Variants in LPP observed in about 807,000 individuals in gnomAD.
The protein encoded by LPP is LIM domain containing preferred translocation partner in lipoma.
Under a neutral mutation model 60.4 loss-of-function variants are expected in LPP, and 38 were observed. The observed-to-expected ratio is 0.63, with a 90% confidence interval of 0.49 to 0.83. The LOEUF is 0.83. Ranked by LOEUF, LPP falls within the 40% of genes least tolerant of loss-of-function variation. The pLI is 0.00. For missense variants in LPP, 902 were observed against 783.6 expected (o/e 1.15, Z -1.80); for synonymous variants, 328 against 290.8 (o/e 1.13, Z -1.30).
rs1165691710 is a variant in LPP, at chr3:188,733,480, C to G, written c.1240+25087C>G. 2.0e-5 allele frequency among the ~76,000 whole-genome samples: 3 copies of G among 152,168 alleles called. No individual in the cohort carries two copies. In the South Asian group the frequency reaches 6.2e-4, roughly 31 times the overall value. On this transcript the variant is annotated intron_variant, in intron 8 of 11. Transcript: ENST00000617246. The stretch of plus-strand genomic sequence containing the variant: ...ATCAATTTTGAAAAATTAAGCCCCC[C>G]TTCTCTAACATGGTACTCTCTCTCT...
At chr3:188,738,718 C>T (rs1433674225) in intron 8 of LPP, among the ~76,000 whole-genome samples, 5 of 152,044 alleles carry the variant, frequency 3.3e-5, no homozygotes, top group Non-Finnish European at 7.4e-5. Flanking sequence ...TTAATTGGAT[C>T]CCTGGTGCTA....
At chr3:188,518,324 T>A (rs1817967599) in intron 5 of LPP, among the ~76,000 whole-genome samples, 1 of 152,192 alleles carries the variant, frequency 6.6e-6, no homozygotes, top group Non-Finnish European at 1.5e-5. Flanking sequence ...AAATTCCTGT[T>A]GTATTATTAA....
chr3:188,668,601 G>T lies in LPP; in HGVS notation c.1114-39666G>T, dbSNP rs377034936. Reference sequence around the variant, plus strand: ...ATAGGTATTTGAGCAGAAGAGGCAAGATTGAAAGTTAGATCCTCAGGCTTC... The same window carrying T: ...ATAGGTATTTGAGCAGAAGAGGCAATATTGAAAGTTAGATCCTCAGGCTTC... On this transcript the variant is annotated intron_variant, in intron 7 of 11. Coordinates refer to ENST00000617246, the MANE Select transcript of LPP (RefSeq NM_001375462.1). Among the ~76,000 whole-genome samples the T allele has an allele frequency of 5.9e-5, 9 of 152,328 alleles. 1 individual carries two copies. The highest frequency in any genetic ancestry group is 2.0e-4 in the Admixed American group (3 of 15,286).
chr3:188,874,088 G>A (rs1768895768), intron 11 of LPP, among the ~76,000 whole-genome samples: 2 of 151,976 alleles, frequency 1.3e-5, no homozygotes, highest in Non-Finnish European at 2.9e-5. Flanking sequence ...TCTTATACCT[G>A]TATTTCATAT....
chr3:188,578,626 C>CTTTTT (rs5855210), intron 6 of LPP, among the ~76,000 whole-genome samples: 1 of 150,226 alleles, frequency 6.7e-6, no homozygotes. Flanking sequence ...CATTCCCTCA[C>CTTTTT]TTTTTTTTTT....
chr3:188,524,730 G>T lies in LPP; in HGVS notation c.372G>T (p.Leu124Phe). The stretch of plus-strand genomic sequence containing the variant: ...GCCTGGACGCTGAGATTGACTCCTT[G>T]ACCAGCATCTTGGCTGACCTTGAGT... The part of the protein sequence containing the change: ...RSSLDAEIDS[L>F]TSILADLECS... Residue 124 changes from leucine to phenylalanine, a missense_variant, in exon 6 of 12, where the codon TTG becomes TTT. By Grantham distance (22) the Leu-to-Phe change is conservative (BLOSUM62 0). Coordinates refer to ENST00000617246, the MANE Select transcript of LPP (RefSeq NM_001375462.1). 1 of 1,614,086 alleles carries T rather than the reference G, an allele frequency of 6.2e-7. No individual in the cohort carries two copies. The highest frequency in any genetic ancestry group is 8.5e-7 in the Non-Finnish European group (1 of 1,179,980).
intron 7 of LPP, among the ~76,000 whole-genome samples, chr3:188,658,605 A>G (rs1306000939): frequency 6.6e-6 from 1 of 152,196 alleles, no homozygotes; most frequent in Non-Finnish European, 1.5e-5. Context: ...ATGCATTTCT[A>G]TCTTTGGAGG....
chr3:188,207,212 C>CTTTT (rs5855184), intron 1 of LPP, among the ~76,000 whole-genome samples: 45 of 129,300 alleles, frequency 3.5e-4, no homozygotes, highest in Non-Finnish European at 5.5e-4. Flanking sequence ...TACACATTTT[C>CTTTT]TTTTTTTTTT....
At chr3:188,442,919 C>G (rs954324363) in intron 4 of LPP, among the ~76,000 whole-genome samples, 1 of 152,118 alleles carries the variant, frequency 6.6e-6, no homozygotes, top group African/African-American at 2.4e-5. Context: ...CTGATTGAGT[C>G]CAGGAGTCTT....
intron 8 of LPP, among the ~76,000 whole-genome samples, chr3:188,730,959 C>T (rs1382578001): frequency 6.6e-6 from 1 of 152,154 alleles, no homozygotes; most frequent in African/African-American, 2.4e-5. Flanking sequence ...GGGAAAAGTT[C>T]TCCAATTGGT....
chr3:188,346,875 G>A (rs912867844), intron 3 of LPP, among the ~76,000 whole-genome samples: 5 of 152,134 alleles, frequency 3.3e-5, no homozygotes, highest in African/African-American at 1.2e-4. Flanking sequence ...TATACTCTGA[G>A]TGTTAGGCTC....
chr3:188,753,647 A>C (rs542975555), intron 8 of LPP, among the ~76,000 whole-genome samples: 1 of 142,072 alleles, frequency 7.0e-6, no homozygotes, highest in South Asian at 2.2e-4. Context: ...ACTTTACCTT[A>C]ATTTCTCTTT....
intron 5 of LPP, among the ~76,000 whole-genome samples, chr3:188,523,669 A>C (rs932947928): frequency 1.3e-5 from 2 of 152,158 alleles, no homozygotes; most frequent in African/African-American, 4.8e-5. Flanking sequence ...CAGACACTAG[A>C]TACTCTCTTG....
chr3:188,331,264 A>G (rs1016233342), intron 2 of LPP, among the ~76,000 whole-genome samples: 4 of 152,028 alleles, frequency 2.6e-5, no homozygotes, highest in Non-Finnish European at 5.9e-5. Flanking sequence ...ATCTCCCACT[A>G]TTGGGCTGCT....
chr3:188,191,170 C>T (rs1230809010), intron 1 of LPP, among the ~76,000 whole-genome samples: 1 of 152,218 alleles, frequency 6.6e-6, no homozygotes, highest in Non-Finnish European at 1.5e-5. Context: ...GCCAAGGTTG[C>T]AGTGAGCTGA....
chr3:188,861,960 A>G (rs561335725), intron 9 of LPP, among the ~76,000 whole-genome samples: 1 of 152,314 alleles, frequency 6.6e-6, no homozygotes, highest in Non-Finnish European at 1.5e-5. Flanking sequence ...AAAGTCCTCA[A>G]ACAGTGCCTG....
intron 7 of LPP, among the ~76,000 whole-genome samples, chr3:188,656,686 C>T (rs1225477500): frequency 2.0e-5 from 3 of 152,170 alleles, no homozygotes; most frequent in Non-Finnish European, 4.4e-5. Context: ...ATGACTTTCC[C>T]ACTGACTGGA....
intron 3 of LPP, among the ~76,000 whole-genome samples, chr3:188,353,897 A>G (rs1009245276): frequency 2.6e-5 from 4 of 152,188 alleles, no homozygotes; most frequent in Non-Finnish European, 2.9e-5. Context: ...CATATGTAAT[A>G]TAAAGAAAAA....
intron 9 of LPP, among the ~76,000 whole-genome samples, chr3:188,788,789 C>A (rs965394619): frequency 5.3e-5 from 8 of 152,162 alleles, no homozygotes; most frequent in African/African-American, 1.7e-4. Flanking sequence ...TGCAGCACGC[C>A]CCCCCGGCTC....
Sources: gnomAD v4.1 joint callset for allele counts (sites outside exome capture counted in the v4.1 genomes callset) on GRCh38, gnomAD v4.1.1 for gene constraint, MANE v1.5 for transcripts, NCBI Gene and HGNC (gene_info 2026-07-23, HGNC 2026-07-21) for gene names.